The following SLC71A2 variants were observed in gnomAD, a reference collection of about 807,000 sequenced individuals.
SLC71A2 encodes the protein hippocampus abundant transcript-like 1.
the SLC71A2 span, among the ~76,000 whole-genome samples, chr9:94,417,709 T>G: frequency 6.6e-6 from 1 of 152,114 alleles, no homozygotes; most frequent in Non-Finnish European, 1.5e-5. Context: ...TCTTTTTTGT[T>G]TATTTTACTT....
chr9:94,445,257 G>A, the SLC71A2 span: 1 of 1,197,186 alleles, frequency 8.4e-7, no homozygotes. Context: ...TGTATGTGCA[G>A]CCTCAAGGAT....
At chr9:94,423,720 A>G in the SLC71A2 span, among the ~76,000 whole-genome samples, 1 of 152,156 alleles carries the variant, frequency 6.6e-6, no homozygotes, top group South Asian at 2.1e-4. Context: ...AAAAGTAGGA[A>G]AAAGAAGCTT....
the SLC71A2 span, among the ~76,000 whole-genome samples, chr9:94,435,732 G>A: frequency 3.6e-5 from 5 of 139,192 alleles, no homozygotes; most frequent in African/African-American, 1.4e-4. Flanking sequence ...TCGGCTCACT[G>A]CAACCTCCGC....
At chr9:94,428,600 C>CT in the SLC71A2 span, among the ~76,000 whole-genome samples, 421 of 98,428 alleles carry the variant, frequency 4.3e-3, 2 homozygotes, top group South Asian at 0.02. Flanking sequence ...ACCCCCCCCC[C>CT]TTTTTTTTTT....
At chr9:94,441,201 G>C in the SLC71A2 span, 62 of 531,582 alleles carry the variant, frequency 1.2e-4, no homozygotes, top group Admixed American at 6.6e-4. Context: ...TTGCACTGCT[G>C]TAAAGAAATA....
At chr9:94,446,628 A>G in the SLC71A2 span, among the ~76,000 whole-genome samples, 2 of 151,870 alleles carry the variant, frequency 1.3e-5, no homozygotes, top group Non-Finnish European at 1.5e-5. Context: ...TTTTAGCTAT[A>G]TGATTTGAAA....
chr9:94,449,180 C>G, the SLC71A2 span, among the ~76,000 whole-genome samples: 7 of 152,280 alleles, frequency 4.6e-5, no homozygotes, highest in African/African-American at 1.7e-4. Flanking sequence ...TCTAGCTTTT[C>G]TCCTACACAT....
the SLC71A2 span, chr9:94,459,592 A>ATTCT: frequency 3.6e-6 from 2 of 560,940 alleles, no homozygotes; most frequent in Middle Eastern, 4.8e-4. Flanking sequence ...TTTCTCTTAC[A>ATTCT]TTCTTTTTTT....
the SLC71A2 span, among the ~76,000 whole-genome samples, chr9:94,404,905 A>T: frequency 2.0e-5 from 3 of 152,184 alleles, no homozygotes; most frequent in Admixed American, 1.3e-4. Flanking sequence ...ATATCCAAGA[A>T]GTCATTGTCA....
chr9:94,406,593 A>G, the SLC71A2 span, among the ~76,000 whole-genome samples: 1 of 152,162 alleles, frequency 6.6e-6, no homozygotes, highest in Non-Finnish European at 1.5e-5. Context: ...GGAGGGCCTC[A>G]AATTCCTGAG....
the SLC71A2 span, among the ~76,000 whole-genome samples, chr9:94,398,713 T>C: frequency 2.8e-5 from 4 of 141,352 alleles, no homozygotes; most frequent in African/African-American, 1.1e-4. Flanking sequence ...TTCATTATTT[T>C]GTCATGCTTT....
the SLC71A2 span, among the ~76,000 whole-genome samples, chr9:94,394,071 A>T: frequency 9.4e-5 from 14 of 148,740 alleles, no homozygotes; most frequent in African/African-American, 3.5e-4. Flanking sequence ...CTTGGTAGAG[A>T]TAAGAATATT....
At chr9:94,450,507 T>TTTTTTTTTTTTTTTGTTTTTTTTTTC in the SLC71A2 span, among the ~76,000 whole-genome samples, 1 of 137,220 alleles carries the variant, frequency 7.3e-6, no homozygotes, top group Non-Finnish European at 1.5e-5. Flanking sequence ...TTTTTTTTTT[T>TTTTTTTTTTTTTTTGTTTTTTTTTTC]GAGATGGAGT....
At chr9:94,458,472 G>A in the SLC71A2 span, 2 of 1,613,056 alleles carry the variant, frequency 1.2e-6, no homozygotes, top group Non-Finnish European at 1.7e-6. Context: ...CAGGTAATTT[G>A]GTCATAAGTC....
chr9:94,440,915 C>T, the SLC71A2 span: 1 of 874,138 alleles, frequency 1.1e-6, no homozygotes, highest in South Asian at 1.7e-5. Flanking sequence ...TACATGATGT[C>T]TTTGGCTCAG....
At chr9:94,442,785 G>GGTTGCA in the SLC71A2 span, among the ~76,000 whole-genome samples, 1 of 151,854 alleles carries the variant, frequency 6.6e-6, no homozygotes, top group Non-Finnish European at 1.5e-5. Context: ...AGGAGGCAGA[G>GGTTGCA]GTTGCAGTGA....
At chr9:94,426,481 G>T in the SLC71A2 span, among the ~76,000 whole-genome samples, 1 of 151,698 alleles carries the variant, frequency 6.6e-6, no homozygotes, top group Admixed American at 6.6e-5. Context: ...TTTTTTTGTT[G>T]TCAGTCTTTT....
the SLC71A2 span, among the ~76,000 whole-genome samples, chr9:94,435,321 C>A: frequency 3.9e-5 from 6 of 152,226 alleles, no homozygotes; most frequent in Non-Finnish European, 7.3e-5. Context: ...CACCTACATG[C>A]ATCTGTTCTC....
At chr9:94,428,488 G>A in the SLC71A2 span, among the ~76,000 whole-genome samples, 305 of 146,876 alleles carry the variant, frequency 2.1e-3, 1 homozygote, top group African/African-American at 7.1e-3. Context: ...TTTAATTTCC[G>A]TTTTTTAAAG....
Sources: allele counts gnomAD v4.1 joint callset (sites outside exome capture counted in the v4.1 genomes callset), GRCh38; gene constraint gnomAD v4.1.1; transcripts MANE v1.5; gene names NCBI Gene and HGNC (gene_info 2026-07-23, HGNC 2026-07-21).